HID1: variants seen among roughly 807,000 people sequenced by gnomAD.
HID1 encodes protein HID1.
In HID1, 42 loss-of-function variants were observed where a neutral mutation model predicts 89.7. The observed-to-expected ratio is 0.47, with a 90% CI of 0.37 to 0.61. The LOEUF (loss-of-function observed/expected upper bound fraction) is 0.61, where lower values mean the gene tolerates loss of function less well. Among genes scored for constraint, HID1 ranks in the 20% least tolerant of loss-of-function variants. The pLI, the probability that HID1 is intolerant of heterozygous loss-of-function variation, is 0.00. For missense variants in HID1, 854 were observed against 1,039.3 expected, an observed-to-expected ratio of 0.82 and a Z score of 2.45; for synonymous variants, 442 against 433.8, an observed-to-expected ratio of 1.02 and a Z score of -0.24.
At chr17:74,953,672 A>G (rs2039342199) in intron 14 of HID1, 21 bp from the exon 15 acceptor site, 3 of 1,590,430 alleles carry the variant, frequency 1.9e-6, no homozygotes, top group African/African-American at 2.7e-5. Flanking sequence ...CACAGGTGGG[A>G]GTGAGGACTC....
At chr17:74,952,908 G>A (rs1198618667) in intron 16 of HID1, 98 bp downstream of exon 16, 2 of 909,622 alleles carry the variant, frequency 2.2e-6, no homozygotes, top group Non-Finnish European at 3.3e-6. Context: ...CATCTTCACT[G>A]AGCTTCCCTG....
chr17:74,965,438 C>T (rs1205257844), intron 1 of HID1, among the ~76,000 whole-genome samples: 2 of 152,242 alleles, frequency 1.3e-5, no homozygotes, highest in Non-Finnish European at 2.9e-5. Context: ...GCCTTACACA[C>T]GTGCACACAG....
chr17:74,958,646 A>T lies in HID1; in HGVS notation c.1240+27T>A. The T allele has an allele frequency of 9.6e-7, 1 of 1,044,246 alleles. No homozygotes were observed. The highest frequency in any genetic ancestry group is 1.5e-6 in the Non-Finnish European group (1 of 671,160). The allele number at this position is 1,044,246 out of a possible 1,614,324, so 64.7% of individuals were successfully genotyped here. A position where few individuals can be genotyped will look rare whatever the true frequency, so the allele number is the denominator to read the frequency against. On this transcript the variant is annotated intron_variant, in intron 10 of 18. Transcript: ENST00000425042. This position sits in a 1 kb window ranked among gnomAD's most constrained non-coding sequence, Gnocchi z 5.2. ...CCACCTCGCCGCCAGGAAAGCCCCC[A>T]GCATCCCACCCCCACCCTGGTCTTA...
intron 15 of HID1, 105 bp downstream of exon 15, chr17:74,953,440 C>G: frequency 1.2e-6 from 1 of 862,338 alleles, no homozygotes; most frequent in South Asian, 1.6e-5. Flanking sequence ...AACTGCCCCT[C>G]TGCTGCAGGT....
intron 2 of HID1, 176 bp from the exon 3 acceptor site, chr17:74,964,086 C>T: frequency 1.5e-6 from 1 of 651,836 alleles, no homozygotes; most frequent in East Asian, 2.7e-5. Flanking sequence ...GTCGGCCAGC[C>T]TTGGGGGACT....
Position 74,972,674 on chromosome 17 carries a change from C to G in HID1, c.-18G>C. The G allele has an allele frequency of 6.5e-7, 1 of 1,534,162 alleles. No individual in the cohort carries two copies. Among genetic ancestry groups the G allele is most frequent in the Non-Finnish European group, 8.8e-7 (1 of 1,139,158 alleles). On this transcript the variant is annotated 5_prime_UTR_variant, in exon 1 of 19. Transcript: ENST00000425042. This position sits in a 1 kb window ranked among gnomAD's most constrained non-coding sequence, Gnocchi z 6.4. ...GACCCCATGTCTCTGGAGCCCGCTC[C>G]GGCCCGGCCCCCGCCCAGACTCCAA...
At position 74,963,100 on chromosome 17, in the gene HID1, C is replaced by T. The variant is rs556554384; in HGVS notation, c.388-19G>A. On this transcript the variant is annotated intron_variant, in intron 3 of 18. Coordinates refer to ENST00000425042, the MANE Select transcript of HID1 (RefSeq NM_030630.3). ...CTCCCTGCTGGGGACACAGCACCCA[C>T]AGGCTGCCTCAGTGATAGCTGGCCA... 156 of 1,546,138 alleles carry T rather than the reference C, an allele frequency of 1.0e-4. 1 individual carries two copies. The South Asian group carries it at 1.8e-3, about 17-fold the overall frequency.
Position 74,953,652 on chromosome 17 carries a change from C to G in HID1, c.1865-1G>C. On this transcript the variant is annotated splice_acceptor_variant, in intron 14 of 18. Transcript: ENST00000425042. LOFTEE classifies it high-confidence loss of function. The stretch of plus-strand genomic sequence containing the variant: ...GACTTCTCGGTCAGCTTGTCAATGC[C>G]TGGGCAGGGCACAGGTGGGAGTGAG... 2 of 1,613,598 alleles carry G rather than the reference C, an allele frequency of 1.2e-6. No homozygotes were observed. Among genetic ancestry groups the G allele is most frequent in the Non-Finnish European group, 1.7e-6 (2 of 1,179,496 alleles).
intron 13 of HID1, chr17:74,954,735 C>A: frequency 3.4e-6 from 1 of 293,214 alleles, no homozygotes; most frequent in Middle Eastern, 1.2e-3. Flanking sequence ...TCCCCTCGAG[C>A]AAGGTGGCCA....
chr17:74,968,906 A>G (rs915301778), intron 1 of HID1, among the ~76,000 whole-genome samples: 1 of 152,242 alleles, frequency 6.6e-6, no homozygotes. Flanking sequence ...TTACTAGCCC[A>G]TTCTGGAAGC....
At position 74,951,988 on chromosome 17, in the gene HID1, GT is replaced by G. The variant is rs1416862954; in HGVS notation, c.2219del (p.His740ProfsTer28). On this transcript the variant is annotated frameshift_variant, in exon 18 of 19. Coordinates refer to ENST00000425042, the MANE Select transcript of HID1 (RefSeq NM_030630.3). LOFTEE classifies it high-confidence loss of function. ...CCTGGTACTTGCGGATGAGGATGGGGTGGGGCACGGGCAGCAGCCCCACCAG... is the reference window on the plus strand; with the variant it reads ...CCTGGTACTTGCGGATGAGGATGGGGGGGGCACGGGCAGCAGCCCCACCAG... ...GTLVGLLPVP[H>X]PILIRKYQAN... 1 of 1,562,538 alleles carries G rather than the reference GT, an allele frequency of 6.4e-7. No individual in the cohort carries two copies. Among genetic ancestry groups the G allele is most frequent in the East Asian group, 2.3e-5 (1 of 42,840 alleles).
intron 12 of HID1, among the ~76,000 whole-genome samples, chr17:74,956,473 T>C (rs968895820): frequency 1.3e-5 from 2 of 152,110 alleles, no homozygotes; most frequent in Non-Finnish European, 2.9e-5. Context: ...AACACTTCCT[T>C]GTCTTGTGTC....
Position 74,962,942 on chromosome 17 carries a change from G to C in HID1, c.504+23C>G. 3 of 1,551,514 alleles carry C rather than the reference G, an allele frequency of 1.9e-6. No homozygotes were observed. The highest frequency in any genetic ancestry group is 2.7e-6 in the Non-Finnish European group (3 of 1,126,986). Reference sequence around the variant, plus strand: ...GGACCAGAGCCTACTCCGCCTGGGGGTGGGGGGCTGGGGGACACTCACCAC... The same window carrying C: ...GGACCAGAGCCTACTCCGCCTGGGGCTGGGGGGCTGGGGGACACTCACCAC... On this transcript the variant is annotated intron_variant, in intron 4 of 18. Transcript: ENST00000425042. This position sits in a 1 kb window ranked among gnomAD's most constrained non-coding sequence, Gnocchi z 4.3.
In HID1 at chr17:74,962,850, T is replaced by C; in HGVS notation, c.504+115A>G. 2 of 740,210 alleles carry C rather than the reference T, an allele frequency of 2.7e-6. No individual in the cohort carries two copies. The highest frequency in any genetic ancestry group is 5.3e-5 in the East Asian group (2 of 37,994). The allele number at this position is 740,210 out of a possible 1,614,324, so 45.9% of individuals were successfully genotyped here. A position where few individuals can be genotyped will look rare whatever the true frequency, so the allele number is the denominator to read the frequency against. The stretch of plus-strand genomic sequence containing the variant: ...CTACATGTGCCAGGCAGCTCAGCTC[T>C]CCTGGAGCCCCCCGGCCCCCAGTGC... On this transcript the variant is annotated intron_variant, in intron 4 of 18. Transcript: ENST00000425042. This position sits in a 1 kb window ranked among gnomAD's most constrained non-coding sequence, Gnocchi z 4.3.
At chr17:74,954,596 C>T (rs1388662729) in intron 13 of HID1, 6 of 684,288 alleles carry the variant, frequency 8.8e-6, no homozygotes, top group Non-Finnish European at 1.4e-5. Flanking sequence ...ACAACACCCC[C>T]GCCCCAGTGC....
intron 14 of HID1, 134 bp from the exon 15 acceptor site, chr17:74,953,785 G>T: frequency 1.4e-6 from 1 of 714,662 alleles, no homozygotes; most frequent in Non-Finnish European, 2.4e-6. Flanking sequence ...TAGAGGCAGT[G>T]TCTGATCACT....
At position 74,962,635 on chromosome 17, in the gene HID1, G is replaced by T. The variant is rs1358764583; in HGVS notation, c.505-295C>A. 1.3e-5 allele frequency among the ~76,000 whole-genome samples: 2 copies of T among 152,162 alleles called. No individual in the cohort carries two copies. The highest frequency in any genetic ancestry group is 1.9e-4 in the East Asian group (1 of 5,196). On this transcript the variant is annotated intron_variant, in intron 4 of 18. Coordinates refer to ENST00000425042, the MANE Select transcript of HID1 (RefSeq NM_030630.3). The surrounding 1 kb of genome is among the most constrained non-coding windows in gnomAD (Gnocchi z 4.3). ...CAGGGGATTGGGTGCCCCGGGTTTGGGGGTGGGCAGAGAAGACTCAAGGTG... is the reference window on the plus strand; with the variant it reads ...CAGGGGATTGGGTGCCCCGGGTTTGTGGGTGGGCAGAGAAGACTCAAGGTG...
chr17:74,964,008 A>AG (rs879437613), intron 2 of HID1, 98 bp from the exon 3 acceptor site: 102 of 1,285,748 alleles, frequency 7.9e-5, no homozygotes, highest in Middle Eastern at 2.2e-4. Context: ...GAGGAGGGTC[A>AG]GGGGGGGCAC....
chr17:74,958,321 C>T lies in HID1; in HGVS notation c.1392+6G>A, dbSNP rs566823324. 1.2e-6 allele frequency: 2 copies of T among 1,612,964 alleles called. No homozygotes were observed. Among genetic ancestry groups the T allele is most frequent in the Non-Finnish European group, 1.7e-6 (2 of 1,179,602 alleles). Reference sequence around the variant, plus strand: ...CTCCTGGGCCCGGCCGCACGAGCCCCCTCACCACAATGAGCAGGTCGGCGT... The same window carrying T: ...CTCCTGGGCCCGGCCGCACGAGCCCTCTCACCACAATGAGCAGGTCGGCGT... On this transcript the variant is annotated splice_donor_region_variant and intron_variant, in intron 11 of 18. Coordinates refer to ENST00000425042, the MANE Select transcript of HID1 (RefSeq NM_030630.3). The surrounding 1 kb of genome is among the most constrained non-coding windows in gnomAD (Gnocchi z 5.2).
Sources: gnomAD v4.1 joint callset for allele counts (sites outside exome capture counted in the v4.1 genomes callset) on GRCh38, gnomAD v4.1.1 for gene constraint, Gnocchi (gnomAD v3.1) non-coding constraint, MANE v1.5 for transcripts, NCBI Gene and HGNC (gene_info 2026-07-23, HGNC 2026-07-21) for gene names.